Variants in EXOC4 observed in about 807,000 individuals in gnomAD.
EXOC4 encodes the protein SEC8-like 1.
In EXOC4, 71 loss-of-function variants were observed where a neutral mutation model predicts 107.2. The ratio of observed to expected loss-of-function variants is 0.66; its 90% CI spans 0.55 to 0.81. The LOEUF (loss-of-function observed/expected upper bound fraction) is 0.81, where lower values mean the gene tolerates loss of function less well. Among genes scored for constraint, EXOC4 ranks in the 30% least tolerant of loss-of-function variants. The pLI, the probability that EXOC4 is intolerant of heterozygous loss-of-function variation, is 0.00. For missense variants in EXOC4, 1,108 were observed against 1,189.6 expected, an observed-to-expected ratio of 0.93 and a Z score of 1.01; for synonymous variants, 456 against 441.2, an observed-to-expected ratio of 1.03 and a Z score of -0.42.
chr7:133,726,901 C>T lies in EXOC4; in HGVS notation c.1515-90424C>T, dbSNP rs541681126. Among the ~76,000 whole-genome samples, 13 of 152,318 alleles carry T rather than the reference C, an allele frequency of 8.5e-5. 1 individual carries two copies. In the South Asian group the frequency reaches 2.7e-3, roughly 32 times the overall value. ...TTGTGAACATGGAGAATGGTATAAACAGACCTGTTTTCAAATACTAGTTTT... is the reference window on the plus strand; with the variant it reads ...TTGTGAACATGGAGAATGGTATAAATAGACCTGTTTTCAAATACTAGTTTT... On this transcript the variant is annotated intron_variant, in intron 10 of 17. Transcript: ENST00000253861.
At chr7:134,044,786 G>A (rs1361184113) in intron 17 of EXOC4, among the ~76,000 whole-genome samples, 1 of 152,208 alleles carries the variant, frequency 6.6e-6, no homozygotes, top group Non-Finnish European at 1.5e-5. Flanking sequence ...TATTCACATA[G>A]CACTTTACAA....
chr7:133,738,244 T>G (rs959113265), intron 10 of EXOC4, among the ~76,000 whole-genome samples: 3 of 152,126 alleles, frequency 2.0e-5, no homozygotes, highest in Non-Finnish European at 4.4e-5. Flanking sequence ...ATTGTCCTCC[T>G]GCTATCTTAA....
intron 10 of EXOC4, among the ~76,000 whole-genome samples, chr7:133,695,022 A>C (rs920895486): frequency 6.6e-6 from 1 of 152,068 alleles, no homozygotes; most frequent in Non-Finnish European, 1.5e-5. Context: ...GAGTTTCTCT[A>C]TGTTGGTCAG....
At chr7:133,915,289 G>A (rs1799782255) in intron 12 of EXOC4, among the ~76,000 whole-genome samples, 1 of 152,014 alleles carries the variant, frequency 6.6e-6, no homozygotes, top group Non-Finnish European at 1.5e-5. Flanking sequence ...CAGAGGATTA[G>A]GGAATATATA....
At chr7:133,591,800 A>G (rs1262847965) in intron 9 of EXOC4, among the ~76,000 whole-genome samples, 1 of 152,264 alleles carries the variant, frequency 6.6e-6, no homozygotes, top group African/African-American at 2.4e-5. Flanking sequence ...GAACGAATGC[A>G]TGTAGGTTGG....
At chr7:134,099,563 G>T in the EXOC4 span, among the ~76,000 whole-genome samples, 2 of 122,352 alleles carry the variant, frequency 1.6e-5, no homozygotes, top group Non-Finnish European at 3.2e-5. Context: ...AGACAGTCTC[G>T]CTGTCACCCA....
intron 1 of EXOC4, among the ~76,000 whole-genome samples, chr7:133,263,443 G>A (rs559146347): frequency 6.7e-5 from 9 of 134,006 alleles, no homozygotes; most frequent in African/African-American, 2.6e-4. Flanking sequence ...GTGCAGTGGT[G>A]TGATCTCAGC....
chr7:134,095,684 A>T, the EXOC4 span, among the ~76,000 whole-genome samples: 1 of 152,146 alleles, frequency 6.6e-6, no homozygotes, highest in Non-Finnish European at 1.5e-5. Flanking sequence ...ATGGCCGTCT[A>T]ATCTTCTACA....
chr7:133,982,355 A>G (rs1396736459), intron 14 of EXOC4, among the ~76,000 whole-genome samples: 1 of 152,154 alleles, frequency 6.6e-6, no homozygotes, highest in Non-Finnish European at 1.5e-5. Context: ...GATCGAGACC[A>G]TCCTGGCTAA....
rs188071053 is a variant in EXOC4, at chr7:133,846,023, C to A, written c.1734+28479C>A. ...CTGCCTTTTAATCCTCACAGTCCCC[C>A]ACACACACACACGAGAACTTTATAC... On this transcript the variant is annotated intron_variant, in intron 11 of 17. Transcript: ENST00000253861. 5.3e-5 allele frequency among the ~76,000 whole-genome samples: 8 copies of A among 151,580 alleles called. No individual in the cohort carries two copies. In the East Asian group the frequency reaches 1.6e-3, roughly 29 times the overall value.
At chr7:133,755,878 C>G (rs761934153) in intron 10 of EXOC4, among the ~76,000 whole-genome samples, 1 of 152,044 alleles carries the variant, frequency 6.6e-6, no homozygotes, top group Non-Finnish European at 1.5e-5. Flanking sequence ...CTTGCTTTTC[C>G]TTCTCTCTGT....
chr7:133,615,016 G>C (rs1196563086), intron 9 of EXOC4, among the ~76,000 whole-genome samples: 1 of 152,132 alleles, frequency 6.6e-6, no homozygotes, highest in Non-Finnish European at 1.5e-5. Context: ...GAAGGGTTCA[G>C]ATTATCCAAG....
intron 4 of EXOC4, among the ~76,000 whole-genome samples, chr7:133,313,161 C>G (rs1188577266): frequency 1.0e-5 from 1 of 100,392 alleles, no homozygotes; most frequent in Non-Finnish European, 2.0e-5. Flanking sequence ...TTTTTTCCCT[C>G]TTGGCTTAGA....
chr7:133,601,209 C>G (rs1319973484), intron 9 of EXOC4, among the ~76,000 whole-genome samples: 1 of 151,708 alleles, frequency 6.6e-6, no homozygotes, highest in East Asian at 1.9e-4. Context: ...CATTGAAATG[C>G]TGGATTTTGT....
chr7:134,090,208 ACT>A, the EXOC4 span, among the ~76,000 whole-genome samples: 1 of 152,176 alleles, frequency 6.6e-6, no homozygotes. Context: ...AAGATAAAGG[ACT>A]CATTCTCTAA....
intron 17 of EXOC4, among the ~76,000 whole-genome samples, chr7:134,023,273 A>G (rs114137720): frequency 1.3e-5 from 2 of 152,308 alleles, no homozygotes; most frequent in African/African-American, 2.4e-5. Flanking sequence ...CAGTAACTCA[A>G]TATGATATAT....
At chr7:133,360,702 A>G (rs1171630868) in intron 6 of EXOC4, among the ~76,000 whole-genome samples, 1 of 152,242 alleles carries the variant, frequency 6.6e-6, no homozygotes, top group Non-Finnish European at 1.5e-5. Context: ...TTTGGTTAGT[A>G]GGGTTGTAGT....
intron 6 of EXOC4, among the ~76,000 whole-genome samples, chr7:133,361,481 C>T (rs1394244672): frequency 6.6e-6 from 1 of 152,094 alleles, no homozygotes; most frequent in Non-Finnish European, 1.5e-5. Flanking sequence ...GGGGTTTCAC[C>T]GTGTTAGCCA....
chr7:133,793,235 G>T (rs1010155947), intron 10 of EXOC4, among the ~76,000 whole-genome samples: 20 of 152,138 alleles, frequency 1.3e-4, no homozygotes, highest in African/African-American at 4.6e-4. Flanking sequence ...GATTTGAAGA[G>T]ATATTAATAG....
Sources: gnomAD v4.1 joint callset for allele counts (sites outside exome capture counted in the v4.1 genomes callset) on GRCh38, gnomAD v4.1.1 for gene constraint, MANE v1.5 for transcripts, NCBI Gene and HGNC (gene_info 2026-07-23, HGNC 2026-07-21) for gene names.